C17orf67: variants seen among roughly 807,000 people sequenced by gnomAD.
C17orf67 encodes chromosome 17 open reading frame 67.
A neutral mutation model predicts 11.2 loss-of-function variants in C17orf67; 12 were observed. That is an observed-to-expected ratio of 1.07 (90% CI 0.68 to 1.73). The LOEUF (loss-of-function observed/expected upper bound fraction) is 1.73. C17orf67 is among the 40% of genes most tolerant of loss of function. The pLI, the probability that C17orf67 is intolerant of heterozygous loss-of-function variation, is 0.00. For missense variants in C17orf67, 115 were observed against 113.5 expected, an observed-to-expected ratio of 1.01 and a Z score of -0.06; for synonymous variants, 59 against 46.9, an observed-to-expected ratio of 1.26 and a Z score of -1.05.
chr17:56,807,468 G>A (rs912544936), intron 6 of C17orf67, among the ~76,000 whole-genome samples: 1 of 152,200 alleles, frequency 6.6e-6, no homozygotes, highest in Non-Finnish European at 1.5e-5. Flanking sequence ...GGGAAGTATG[G>A]AGAGGAGCCT....
intron 6 of C17orf67, among the ~76,000 whole-genome samples, chr17:56,803,617 T>C (rs570416259): frequency 6.6e-6 from 1 of 152,216 alleles, no homozygotes; most frequent in East Asian, 1.9e-4. Flanking sequence ...AGCAAATGAA[T>C]AAATGAAATA....
At chr17:56,830,262 G>A (rs528463168) in intron 2 of C17orf67, among the ~76,000 whole-genome samples, 42 of 151,888 alleles carry the variant, frequency 2.8e-4, no homozygotes, top group Non-Finnish European at 3.4e-4. Flanking sequence ...AGAGAATGGC[G>A]TGAACCTGGG....
At chr17:56,820,723 T>A (rs539639966) in intron 4 of C17orf67, among the ~76,000 whole-genome samples, 17 of 151,134 alleles carry the variant, frequency 1.1e-4, no homozygotes, top group African/African-American at 4.1e-4. Context: ...CTACCACCCA[T>A]ATTCACAACA....
chr17:56,809,627 A>G (rs1379379182), intron 6 of C17orf67, among the ~76,000 whole-genome samples: 1 of 126,386 alleles, frequency 7.9e-6, no homozygotes, highest in Non-Finnish European at 1.7e-5. Context: ...ACACACACCC[A>G]CACACACACC....
At chr17:56,812,457 G>C (rs1160668126) in intron 6 of C17orf67, among the ~76,000 whole-genome samples, 1 of 152,196 alleles carries the variant, frequency 6.6e-6, no homozygotes, top group African/African-American at 2.4e-5. Flanking sequence ...TACTGGTGTA[G>C]ACTAGCCACC....
chr17:56,796,956 C>G (rs912729632), intron 6 of C17orf67, among the ~76,000 whole-genome samples: 1 of 152,118 alleles, frequency 6.6e-6, no homozygotes, highest in Non-Finnish European at 1.5e-5. Flanking sequence ...CTGCCTCTAC[C>G]CACGGGTTTT....
At chr17:56,817,519 C>T (rs1312129263) in intron 4 of C17orf67, among the ~76,000 whole-genome samples, 1 of 152,076 alleles carries the variant, frequency 6.6e-6, no homozygotes, top group Non-Finnish European at 1.5e-5. Flanking sequence ...TGCAGTGGTG[C>T]AATCACAGCC....
At chr17:56,796,960 G>C (rs942887808) in intron 6 of C17orf67, among the ~76,000 whole-genome samples, 3 of 152,060 alleles carry the variant, frequency 2.0e-5, no homozygotes, top group African/African-American at 7.2e-5. Flanking sequence ...CTCTACCCAC[G>C]GGTTTTGTCT....
intron 6 of C17orf67, among the ~76,000 whole-genome samples, chr17:56,797,028 C>T (rs190344299): frequency 6.6e-6 from 1 of 152,204 alleles, no homozygotes; most frequent in Admixed American, 6.5e-5. Flanking sequence ...GGGTAGGATT[C>T]CCCTCCTTCC....
intron 6 of C17orf67, among the ~76,000 whole-genome samples, chr17:56,796,623 C>A (rs1441414730): frequency 6.6e-6 from 1 of 152,148 alleles, no homozygotes; most frequent in Non-Finnish European, 1.5e-5. Flanking sequence ...ACTGTCATTG[C>A]CTCACTCACC....
chr17:56,824,255 G>C (rs1218749837), intron 4 of C17orf67, among the ~76,000 whole-genome samples: 1 of 152,156 alleles, frequency 6.6e-6, no homozygotes, highest in Non-Finnish European at 1.5e-5. Context: ...CACTCTTGTG[G>C]TCTCTTTTGC....
intron 2 of C17orf67, among the ~76,000 whole-genome samples, chr17:56,827,937 T>A (rs1037917136): frequency 6.6e-6 from 1 of 152,188 alleles, no homozygotes; most frequent in Non-Finnish European, 1.5e-5. Context: ...CCGGTCGCAG[T>A]GGCTCACACC....
chr17:56,818,266 T>C (rs1905811114), intron 4 of C17orf67, among the ~76,000 whole-genome samples: 1 of 152,240 alleles, frequency 6.6e-6, no homozygotes, highest in South Asian at 2.1e-4. Flanking sequence ...GATAGAACAC[T>C]ATTTTGTTTT....
chr17:56,795,708 T>C lies in C17orf67; in HGVS notation c.157-528A>G, dbSNP rs536560656. Among the ~76,000 whole-genome samples the C allele has an allele frequency of 2.0e-5, 3 of 152,222 alleles. No individual in the cohort carries two copies. The East Asian group carries it at 5.8e-4, about 29-fold the overall frequency. ...CAGGAAAGGCATATAAAAATGTTTA[T>C]AGCAGCAATAAATTTGTCATAGCAA... On this transcript the variant is annotated intron_variant, in intron 6 of 7. Transcript: ENST00000397861.
At chr17:56,806,310 T>C (rs1026660580) in intron 6 of C17orf67, among the ~76,000 whole-genome samples, 2 of 152,196 alleles carry the variant, frequency 1.3e-5, no homozygotes, top group African/African-American at 4.8e-5. Flanking sequence ...GACTCTTTCT[T>C]GGTTTCCAAT....
intron 6 of C17orf67, among the ~76,000 whole-genome samples, chr17:56,812,030 G>A (rs543384032): frequency 1.8e-4 from 27 of 152,290 alleles, no homozygotes; most frequent in Admixed American, 2.0e-4. Flanking sequence ...CCCAGGCATC[G>A]GAATTTAAAT....
intron 2 of C17orf67, among the ~76,000 whole-genome samples, chr17:56,828,724 T>C (rs1906108843): frequency 6.6e-6 from 1 of 152,132 alleles, no homozygotes; most frequent in Non-Finnish European, 1.5e-5. Flanking sequence ...ATCCTAACTT[T>C]CGTGGCTTTC....
At chr17:56,798,672 A>C (rs1273323325) in intron 6 of C17orf67, among the ~76,000 whole-genome samples, 1 of 39,906 alleles carries the variant, frequency 2.5e-5, no homozygotes, top group African/African-American at 7.6e-5. Context: ...TACCAAAAAT[A>C]CAAAAAAAAA....
At chr17:56,825,953 G>GTC (rs35928219) in intron 2 of C17orf67, among the ~76,000 whole-genome samples, 1 of 91,520 alleles carries the variant, frequency 1.1e-5, no homozygotes, top group East Asian at 6.5e-4. Flanking sequence ...GAGTGTGTGT[G>GTC]TGTGTGTGCA....
Sources: allele counts gnomAD v4.1 joint callset (sites outside exome capture counted in the v4.1 genomes callset), GRCh38; gene constraint gnomAD v4.1.1; transcripts MANE v1.5; gene names NCBI Gene and HGNC (gene_info 2026-07-23, HGNC 2026-07-21).